The following ARFGEF1 variants were observed in gnomAD, a reference collection of about 807,000 sequenced individuals.
ARFGEF1 encodes the protein ARF guanine nucleotide exchange factor 1, also known as brefeldin A-inhibited guanine nucleotide-exchange protein 1.
A neutral mutation model predicts 231.0 loss-of-function variants in ARFGEF1; 42 were observed. That is an observed-to-expected ratio of 0.18 (90% CI 0.14 to 0.24). The LOEUF (loss-of-function observed/expected upper bound fraction) is 0.24. Among genes scored for constraint, ARFGEF1 ranks in the 10% least tolerant of loss-of-function variants. The pLI, the probability that ARFGEF1 is intolerant of heterozygous loss-of-function variation, is 1.00. For missense variants in ARFGEF1, 1,345 were observed against 2,192.0 expected (o/e 0.61, Z 7.72); for synonymous variants, 710 against 732.3 (o/e 0.97, Z 0.49).
intron 29 of ARFGEF1, among the ~76,000 whole-genome samples, chr8:67,221,178 T>G (rs1839143909): frequency 6.6e-6 from 1 of 152,196 alleles, no homozygotes; most frequent in South Asian, 2.1e-4. Context: ...ATGTTAACAA[T>G]TAATGTATTT....
chr8:67,302,665 C>T (rs1011797338), intron 1 of ARFGEF1, among the ~76,000 whole-genome samples, 199 bp from the exon 2 acceptor site: 1 of 152,128 alleles, frequency 6.6e-6, no homozygotes, highest in African/African-American at 2.4e-5. Flanking sequence ...TGAATAGGTA[C>T]ATTAACAAAC....
intron 1 of ARFGEF1, among the ~76,000 whole-genome samples, chr8:67,321,963 C>T (rs866218790): frequency 1.3e-5 from 2 of 152,332 alleles, no homozygotes; most frequent in Middle Eastern, 6.8e-3. Flanking sequence ...GCCTACCACT[C>T]TCATCTCTCT....
At chr8:67,255,465 A>C (rs906374972) in intron 17 of ARFGEF1, among the ~76,000 whole-genome samples, 1 of 152,208 alleles carries the variant, frequency 6.6e-6, no homozygotes, top group African/African-American at 2.4e-5. Flanking sequence ...CTACATAAAA[A>C]GTAGCCTAAC....
intron 1 of ARFGEF1, among the ~76,000 whole-genome samples, chr8:67,313,703 T>C (rs934487675): frequency 6.6e-6 from 1 of 152,120 alleles, no homozygotes; most frequent in Non-Finnish European, 1.5e-5. Flanking sequence ...ATTCTTAGCT[T>C]TGATGGTTTA....
rs746053755 is a variant in ARFGEF1 at position 67,267,419 on chromosome 8, T to C, written c.1596A>G (p.Leu532=). The change falls in exon 11 of 39, where the codon TTA becomes TTG. Residue 532 remains leucine (L), a synonymous_variant. Transcript: ENST00000262215. ...QIEVFFKEIF[L]YILETSTSSF... ...AGCTGGTAGAAGTTTCCAAAATGTA[T>C]AAGAAAATTTCTTTAAAGAACACCT... is the stretch of plus-strand genomic sequence containing the variant. 5 of 1,609,112 alleles carry C rather than the reference T, an allele frequency of 3.1e-6. No individual in the cohort carries two copies. The highest frequency in any genetic ancestry group is 2.2e-5 in the South Asian group (2 of 89,916).
intron 5 of ARFGEF1, among the ~76,000 whole-genome samples, chr8:67,182,448 G>T (rs1305581684): frequency 2.6e-5 from 4 of 152,132 alleles, no homozygotes; most frequent in African/African-American, 9.7e-5. Context: ...CCTATGAATA[G>T]GTGTACAATT....
At chr8:67,232,445 T>C (rs1297077961) in intron 23 of ARFGEF1, among the ~76,000 whole-genome samples, 1 of 152,046 alleles carries the variant, frequency 6.6e-6, no homozygotes, top group Non-Finnish European at 1.5e-5. Context: ...AAAAAGTTTA[T>C]AATGGGAATT....
intron 35 of ARFGEF1, 28 bp downstream of exon 35, chr8:67,204,652 A>C (rs201493859): frequency 1.8e-5 from 29 of 1,593,726 alleles, no homozygotes; most frequent in Admixed American, 3.5e-5. Context: ...CTTACACAAA[A>C]AAAGCAGCTG....
intron 19 of ARFGEF1, among the ~76,000 whole-genome samples, chr8:67,249,192 C>A (rs2128883575): frequency 6.7e-6 from 1 of 150,292 alleles, no homozygotes; most frequent in South Asian, 2.1e-4. Context: ...GTTCAACTTA[C>A]CATTTTTTGA....
rs373643794 is a variant in ARFGEF1, at chr8:67,281,394, GCA to G, written c.1028-3939_1028-3938del. Among the ~76,000 whole-genome samples, 18 of 152,098 alleles carry G rather than the reference GCA, an allele frequency of 1.2e-4. No homozygotes were observed. The South Asian group carries it at 1.9e-3, about 16-fold the overall frequency. On this transcript the variant is annotated intron_variant, in intron 7 of 38. Coordinates refer to ENST00000262215, the MANE Select transcript of ARFGEF1 (RefSeq NM_006421.5). ...AAACAAAAGTAAAATTCATACCCAT[GCA>G]CACACAGTCACGTATATACAAAAGA...
intron 29 of ARFGEF1, among the ~76,000 whole-genome samples, 199 bp downstream of exon 29, chr8:67,224,701 TGTA>T (rs1040647573): frequency 1.6e-4 from 24 of 152,320 alleles, no homozygotes; most frequent in Non-Finnish European, 3.1e-4. Context: ...TTAAAAATAA[TGTA>T]GTATTTCCAT....
intron 1 of ARFGEF1, among the ~76,000 whole-genome samples, chr8:67,333,340 T>C (rs1808192588): frequency 6.6e-6 from 1 of 151,826 alleles, no homozygotes; most frequent in Non-Finnish European, 1.5e-5. Context: ...GCCTTTTTTT[T>C]TTTTTTTGAG....
intron 17 of ARFGEF1, 97 bp from the exon 18 acceptor site, chr8:67,253,719 A>C: frequency 1.5e-6 from 1 of 667,564 alleles, no homozygotes; most frequent in African/African-American, 1.9e-5. Context: ...TTTTGTAAAT[A>C]CTTTTGAGGA....
chr8:67,275,278 A>G (rs773526911), intron 9 of ARFGEF1, among the ~76,000 whole-genome samples: 4 of 151,954 alleles, frequency 2.6e-5, no homozygotes, highest in Admixed American at 6.6e-5. Flanking sequence ...ATAACTTCCA[A>G]ACTCAGTCTC....
At chr8:67,232,696 A>G (rs1430586473) in intron 23 of ARFGEF1, among the ~76,000 whole-genome samples, 159 bp downstream of exon 23, 1 of 152,074 alleles carries the variant, frequency 6.6e-6, no homozygotes, top group Non-Finnish European at 1.5e-5. Context: ...AAGCAAAATT[A>G]TAGGTACTTC....
chr8:67,277,268 CCCT>C lies in ARFGEF1; in HGVS notation c.1203+11_1203+13del, dbSNP rs1563883094. The C allele has an allele frequency of 6.2e-7, 1 of 1,611,834 alleles. No individual in the cohort carries two copies. The highest frequency in any genetic ancestry group is 8.5e-7 in the Non-Finnish European group (1 of 1,178,754). On this transcript the variant is annotated intron_variant, in intron 8 of 38. Coordinates refer to ENST00000262215, the MANE Select transcript of ARFGEF1 (RefSeq NM_006421.5). ...TAACAGGATTTCTCCCCCTCCCCAC[CCCT>C]CCATTTATACCTGAGTATCATTGGA... is the stretch of plus-strand genomic sequence containing the variant.
In ARFGEF1 at chr8:67,300,757, T is replaced by C. The variant is rs190785512; in HGVS notation, c.312+467A>G. On this transcript the variant is annotated intron_variant, in intron 3 of 38. Coordinates refer to ENST00000262215, the MANE Select transcript of ARFGEF1 (RefSeq NM_006421.5). ...TACTCAGAAGTCTGGGGCAGGAGAATTGCTTGAACACAGGGGGCAGAGGTC... is the reference window on the plus strand; with the variant it reads ...TACTCAGAAGTCTGGGGCAGGAGAACTGCTTGAACACAGGGGGCAGAGGTC... 3.5e-3 allele frequency among the ~76,000 whole-genome samples: 537 copies of C among 151,274 alleles called. 3 individuals are homozygous for C. Among genetic ancestry groups the C allele is most frequent in the Middle Eastern group, 0.017 (5 of 290 alleles).
chr8:67,328,032 G>A (rs1807919880), intron 1 of ARFGEF1, among the ~76,000 whole-genome samples: 2 of 152,112 alleles, frequency 1.3e-5, no homozygotes, highest in Non-Finnish European at 2.9e-5. Flanking sequence ...TTGAAATAGA[G>A]GGGGTGAAAG....
Position 67,187,860 on chromosome 8 carries a change from C to T in ARFGEF1, c.561-12288G>A, listed in dbSNP as rs75420914. Among the ~76,000 whole-genome samples the T allele has an allele frequency of 6.6e-5, 10 of 152,276 alleles. No homozygotes were observed. The East Asian group carries it at 7.7e-4, about 12-fold the overall frequency. ...TGTGAAAAAATAAACATAGATCTTA[C>T]GCCCTTCACAAAAATTAACTCAAAG... On this transcript the variant is annotated intron_variant, in intron 5 of 5. Transcript: ENST00000518789.
Sources: allele counts gnomAD v4.1 joint callset (sites outside exome capture counted in the v4.1 genomes callset), GRCh38; gene constraint gnomAD v4.1.1; transcripts MANE v1.5; gene names NCBI Gene and HGNC (gene_info 2026-07-23, HGNC 2026-07-21).